TTC3: variants seen among roughly 807,000 people sequenced by gnomAD.
TTC3 encodes the protein tetratricopeptide repeat domain 3, also known as E3 ubiquitin-protein ligase TTC3.
TTC3 carries 180 observed loss-of-function variants against 249.6 expected under a neutral mutation model. The observed-to-expected ratio is 0.72, with a 90% confidence interval of 0.64 to 0.82. The LOEUF is 0.82. TTC3 is among the 40% of genes least tolerant of loss of function. The pLI, the probability that TTC3 is intolerant of heterozygous loss-of-function variation, is 0.00. For synonymous variants in TTC3, 717 were observed against 805.0 expected, an observed-to-expected ratio of 0.89 and a Z score of 1.85; for missense variants, 2,061 against 2,398.4, an observed-to-expected ratio of 0.86 and a Z score of 2.94.
chr21:37,087,241 C>T lies in TTC3; in HGVS notation c.-11-6C>T, dbSNP rs1222816005. 1.9e-6 allele frequency: 3 copies of T among 1,613,118 alleles called. No homozygotes were observed. In the East Asian group the frequency reaches 6.7e-5, roughly 36 times the overall value. On this transcript the variant is annotated splice_region_variant and splice_polypyrimidine_tract_variant and intron_variant, in intron 1 of 45. Coordinates refer to ENST00000355666, the Ensembl canonical transcript of TTC3. ...TTACTGACTTGAGTTTGTGTTGTCTCCTTAGACTTGTGCACCATGGACAAT... is the reference window on the plus strand; with the variant it reads ...TTACTGACTTGAGTTTGTGTTGTCTTCTTAGACTTGTGCACCATGGACAAT...
At position 37,113,505 on chromosome 21, in the gene TTC3, G is replaced by A. The variant is rs566824977; in HGVS notation, c.900+5059G>A. 3.9e-5 allele frequency among the ~76,000 whole-genome samples: 6 copies of A among 152,034 alleles called. No individual in the cohort carries two copies. The East Asian group carries it at 5.8e-4, about 15-fold the overall frequency. ...GATGTGAAGGACCTCTTCAAGGAGA[G>A]CTACAAACCACTGCTCAATGAAATA... On this transcript the variant is annotated intron_variant, in intron 11 of 45. Coordinates refer to ENST00000355666, the Ensembl canonical transcript of TTC3.
chr21:37,106,191 A>G (rs1290496382), intron 10 of TTC3, among the ~76,000 whole-genome samples: 3 of 152,270 alleles, frequency 2.0e-5, no homozygotes, highest in Non-Finnish European at 2.9e-5. Flanking sequence ...TCATAAGGTT[A>G]TTGACCATTT....
chr21:37,189,788 C>G (rs2083786839), intron 39 of TTC3, among the ~76,000 whole-genome samples: 1 of 152,036 alleles, frequency 6.6e-6, no homozygotes, highest in Non-Finnish European at 1.5e-5. Flanking sequence ...TCTTGTGATC[C>G]ACCCACCTTG....
intron 39 of TTC3, among the ~76,000 whole-genome samples, chr21:37,189,902 G>GC (rs11370625): frequency 1 from 152,151 of 152,152 alleles, 76,075 homozygotes; most frequent in Middle Eastern, 1. Flanking sequence ...GATAAGGCTT[G>GC]CTGGGATTCC....
intron 11 of TTC3, among the ~76,000 whole-genome samples, chr21:37,113,379 T>C (rs2075845152): frequency 6.6e-6 from 1 of 152,192 alleles, no homozygotes; most frequent in African/African-American, 2.4e-5. Flanking sequence ...ATCACAAGCA[T>C]TCTTACACAC....
At chr21:37,149,412 A>G (rs1319837299) in intron 23 of TTC3, among the ~76,000 whole-genome samples, 1 of 152,244 alleles carries the variant, frequency 6.6e-6, no homozygotes, top group Non-Finnish European at 1.5e-5. Context: ...TTAATTAACA[A>G]TATAATGATA....
At chr21:37,190,650 A>G (rs2083971354) in intron 39 of TTC3, among the ~76,000 whole-genome samples, 1 of 152,188 alleles carries the variant, frequency 6.6e-6, no homozygotes, top group African/African-American at 2.4e-5. Context: ...AACTCTTCCA[A>G]TAAACGGTAG....
chr21:37,132,674 TC>T lies in TTC3; in HGVS notation c.1359-7del. 1.3e-6 allele frequency: 2 copies of T among 1,577,984 alleles called. No homozygotes were observed. Among genetic ancestry groups the T allele is most frequent in the Non-Finnish European group, 1.7e-6 (2 of 1,167,870 alleles). On this transcript the variant is annotated splice_polypyrimidine_tract_variant and splice_region_variant and intron_variant, in intron 16 of 45. Transcript: ENST00000355666. ...AAATGATTTTTAAAAATGCTTTTTT[TC>T]TTTTAGTTCTAGTTCACCATTGACT...
chr21:37,132,852 C>A, intron 17 of TTC3, 86 bp downstream of exon 17: 1 of 970,654 alleles, frequency 1.0e-6, no homozygotes, highest in Non-Finnish European at 1.5e-6. Flanking sequence ...TCATGTACAT[C>A]TCTAAGTTTT....
intron 27 of TTC3, among the ~76,000 whole-genome samples, chr21:37,155,503 G>T (rs1438570799): frequency 1.3e-5 from 2 of 152,148 alleles, no homozygotes; most frequent in Non-Finnish European, 2.9e-5. Flanking sequence ...GGTGTTTAAA[G>T]ATCCTAATTT....
At chr21:37,109,052 A>C (rs1378944201) in intron 11 of TTC3, among the ~76,000 whole-genome samples, 1 of 152,224 alleles carries the variant, frequency 6.6e-6, no homozygotes, top group Admixed American at 6.5e-5. Flanking sequence ...TGAATGGCCA[A>C]TAGAAATAAG....
At chr21:37,181,383 A>G (rs1045785347) in intron 35 of TTC3, among the ~76,000 whole-genome samples, 7 of 152,228 alleles carry the variant, frequency 4.6e-5, no homozygotes, top group Non-Finnish European at 1.0e-4. Context: ...AGGATAGGTG[A>G]GAAACAAGAT....
At chr21:37,200,755 G>A (rs987083639) in intron 45 of TTC3, among the ~76,000 whole-genome samples, 5 of 152,280 alleles carry the variant, frequency 3.3e-5, no homozygotes, top group South Asian at 4.2e-4. Flanking sequence ...AGTCCTGCTC[G>A]TACCGTTCTG....
chr21:37,166,167 G>A (rs771098166), exon 33 of TTC3: 9 of 1,614,170 alleles, frequency 5.6e-6, no homozygotes, highest in Non-Finnish European at 7.6e-6. Flanking sequence ...ACAGGATACT[G>A]TACGTATCTT....
At chr21:37,129,774 C>A (rs959184056) in intron 16 of TTC3, among the ~76,000 whole-genome samples, 2 of 152,106 alleles carry the variant, frequency 1.3e-5, no homozygotes, top group African/African-American at 4.8e-5. Flanking sequence ...AGGACTACTA[C>A]TGCTACTATG....
At chr21:37,201,454 G>T in exon 46 of TTC3, 1 of 1,613,900 alleles carries the variant, frequency 6.2e-7, no homozygotes, top group South Asian at 1.1e-5. Flanking sequence ...TTAAGCAGTG[G>T]CTTAAAGGGC....
At chr21:37,148,699 AT>A (rs774637630) in intron 23 of TTC3, 52 bp downstream of exon 23, 4 of 1,238,062 alleles carry the variant, frequency 3.2e-6, no homozygotes, top group Admixed American at 2.6e-5. Context: ...TTGTATGTCA[AT>A]TTTTCCCCCA....
At position 37,114,143 on chromosome 21, in the gene TTC3, C is replaced by G. The variant is rs562672457; in HGVS notation, c.900+5697C>G. ...ATAGGCATGGGCAAGGACTTCATGT[C>G]TAAAACACCAAAAGCAATGGCAACA... On this transcript the variant is annotated intron_variant, in intron 11 of 45. Coordinates refer to ENST00000355666, the Ensembl canonical transcript of TTC3. Among the ~76,000 whole-genome samples, 224 of 152,202 alleles carry G rather than the reference C, an allele frequency of 1.5e-3. 2 individuals carry two copies. The highest frequency in any genetic ancestry group is 4.9e-3 in the African/African-American group (205 of 41,526).
chr21:37,080,753 G>A (rs12152102), intron 1 of TTC3, among the ~76,000 whole-genome samples: 5,325 of 151,774 alleles, frequency 0.035, 142 homozygotes, highest in Non-Finnish European at 0.056. Flanking sequence ...GTCTGATCCC[G>A]TCTTTCTTTT....
Sources: gnomAD v4.1 joint callset for allele counts (sites outside exome capture counted in the v4.1 genomes callset) on GRCh38, gnomAD v4.1.1 for gene constraint, MANE v1.5 for transcripts, NCBI Gene and HGNC (gene_info 2026-07-23, HGNC 2026-07-21) for gene names.